COL6A3: variants seen among roughly 807,000 people sequenced by gnomAD.
COL6A3 encodes collagen type VI alpha 3 chain.
Under a neutral mutation model 274.1 loss-of-function variants are expected in COL6A3, and 137 were observed. The observed-to-expected ratio is 0.50, with a 90% CI of 0.44 to 0.58. COL6A3 has a LOEUF of 0.58. Among genes scored for constraint, COL6A3 ranks in the 20% least tolerant of loss-of-function variants. The pLI, the probability that COL6A3 is intolerant of heterozygous loss-of-function variation, is 0.00. For missense variants in COL6A3, 3,950 were observed against 4,124.9 expected, an observed-to-expected ratio of 0.96 and a Z score of 1.16; for synonymous variants, 1,650 against 1,650.6, an observed-to-expected ratio of 1.00 and a Z score of 0.01.
intron 1 of COL6A3, among the ~76,000 whole-genome samples, chr2:237,403,587 T>C (rs1300648492): frequency 6.6e-6 from 1 of 152,032 alleles, no homozygotes; most frequent in East Asian, 1.9e-4. Context: ...CAGCAATGAG[T>C]GGTGATAGCG....
intron 1 of COL6A3, among the ~76,000 whole-genome samples, chr2:237,411,852 C>T (rs531936681): frequency 3.3e-5 from 5 of 152,302 alleles, no homozygotes; most frequent in African/African-American, 9.6e-5. Flanking sequence ...GGGTGGAACA[C>T]GCTCCCTGCC....
rs145983482 is a variant in COL6A3 at position 237,394,691 on chromosome 2, T to G, written c.605A>C (p.Asn202Thr). Residue 202 changes from asparagine (N) to threonine (T), a missense_variant, in exon 3 of 44, where the codon AAT becomes ACT. Transcript: ENST00000295550. ...PLNMHMFNLE[N>T]FTSLHDIVGN... Reference sequence around the variant, plus strand: ...TACTATGTCATGAAGTGAGGTAAAATTCTCTAGGTTGAACATATGCATATT... The same window carrying G: ...TACTATGTCATGAAGTGAGGTAAAAGTCTCTAGGTTGAACATATGCATATT... 6.2e-7 allele frequency: 1 copy of G among 1,614,218 alleles called. No individual in the cohort carries two copies. Among genetic ancestry groups the G allele is most frequent in the Non-Finnish European group, 8.5e-7 (1 of 1,180,034 alleles).
intron 31 of COL6A3, among the ~76,000 whole-genome samples, chr2:237,347,151 T>C (rs915189701): frequency 6.6e-6 from 1 of 151,924 alleles, no homozygotes; most frequent in African/African-American, 2.4e-5. Context: ...GTCTCATGCA[T>C]GTAATCCCAG....
At position 237,344,608 on chromosome 2, in the gene COL6A3, C is replaced by T; in HGVS notation, c.7410G>A (p.Leu2470=). ...CCACCTGAAGGTTCTTAATCTTGTC[C>T]AGGAGGACCGACTTCCTCTTGGAGT... is the stretch of plus-strand genomic sequence containing the variant. The part of the protein sequence containing the change: ...FADSKRKSVL[L]DKIKNLQVAL... The change falls in exon 36 of 44, where the codon CTG becomes CTA. Residue 2470 remains leucine (L), a synonymous_variant. Transcript: ENST00000295550. This position sits in a 1 kb window ranked among gnomAD's most constrained non-coding sequence, Gnocchi z 4.8. 1 of 1,614,190 alleles carries T rather than the reference C, an allele frequency of 6.2e-7. No individual in the cohort carries two copies. Among genetic ancestry groups the T allele is most frequent in the Non-Finnish European group, 8.5e-7 (1 of 1,180,036 alleles).
In COL6A3 at chr2:237,387,918, G is replaced by A; in HGVS notation, c.976C>T (p.Leu326Phe). Residue 326 changes from leucine to phenylalanine, a missense_variant, in exon 4 of 44, where the codon CTT becomes TTT. Coordinates refer to ENST00000295550, the MANE Select transcript of COL6A3 (RefSeq NM_004369.4). ...AAGTGGTTCTCCACCACGAAATCAA[G>A]GGCGAGGCCGATATTGGCCAACTCC... is the stretch of plus-strand genomic sequence containing the variant. Reference protein sequence around the residue: ...GGELANIGLALDFVVENHFTR... With the variant: ...GGELANIGLAFDFVVENHFTR... 6.2e-7 allele frequency: 1 copy of A among 1,614,110 alleles called. No homozygotes were observed. The highest frequency in any genetic ancestry group is 2.2e-5 in the East Asian group (1 of 44,872).
At position 237,334,765 on chromosome 2, in the gene COL6A3, C is replaced by G. The variant is rs148770439; in HGVS notation, c.9090G>C (p.Gln3030His). The change falls in exon 41 of 44, where the codon CAG becomes CAC. Residue 3030 changes from glutamine (Q) to histidine (H), a missense_variant. Transcript: ENST00000295550. ...TGAGGTTCTGCTTCAGAACCAGGGACTGATCATGGGCTGAGGTGACGGTGA... is the reference window on the plus strand; with the variant it reads ...TGAGGTTCTGCTTCAGAACCAGGGAGTGATCATGGGCTGAGGTGACGGTGA... ...YDLTVTSAHDQSLVLKQNLTV... is the reference protein window; with the variant it reads ...YDLTVTSAHDHSLVLKQNLTV... The G allele has an allele frequency of 1.2e-6, 2 of 1,614,024 alleles. No individual in the cohort carries two copies. The highest frequency in any genetic ancestry group is 2.7e-5 in the African/African-American group (2 of 74,896).
intron 1 of COL6A3, among the ~76,000 whole-genome samples, chr2:237,406,580 GC>G (rs1229792160): frequency 6.6e-6 from 1 of 151,618 alleles, no homozygotes; most frequent in Non-Finnish European, 1.5e-5. Context: ...CCTTGCCTTT[GC>G]CACGCCCATT....
intron 1 of COL6A3, among the ~76,000 whole-genome samples, chr2:237,399,812 T>C (rs1192807457): frequency 6.6e-6 from 1 of 152,184 alleles, no homozygotes; most frequent in African/African-American, 2.4e-5. Flanking sequence ...GGTTTGCAAA[T>C]ATCTGCTCTC....
chr2:237,405,368 T>C (rs1440302475), intron 1 of COL6A3, among the ~76,000 whole-genome samples: 1 of 152,128 alleles, frequency 6.6e-6, no homozygotes, highest in African/African-American at 2.4e-5. Flanking sequence ...AAAAACGAAA[T>C]TCCCTGGCAG....
In COL6A3 at chr2:237,388,167, T is replaced by A. The variant is rs2078201438; in HGVS notation, c.727A>T (p.Ile243Phe). The A allele has an allele frequency of 6.2e-7, 1 of 1,614,066 alleles. No individual in the cohort carries two copies. The highest frequency in any genetic ancestry group is 2.2e-5 in the East Asian group (1 of 44,888). ...TTTGATCCATCAATAAGGAAAATAATGTCAGCAGAGTCTTGTGCTTTAAAA... is the reference window on the plus strand; with the variant it reads ...TTTGATCCATCAATAAGGAAAATAAAGTCAGCAGAGTCTTGTGCTTTAAAA... The part of the protein sequence containing the change: ...KDITAQDSAD[I>F]IFLIDGSNNT... Residue 243 changes from isoleucine to phenylalanine, a missense_variant, in exon 4 of 44, where the codon ATT becomes TTT. By Grantham distance (21) the Ile-to-Phe change is conservative (BLOSUM62 0). This residue lies in a region of COL6A3 where 1,934 missense variants were observed against 1,984.3 expected (regional missense o/e 0.97). Transcript: ENST00000295550.
intron 1 of COL6A3, among the ~76,000 whole-genome samples, chr2:237,397,283 G>A (rs1173145269): frequency 7.0e-6 from 1 of 142,528 alleles, no homozygotes; most frequent in Non-Finnish European, 1.5e-5. Flanking sequence ...AGGGAAGGAA[G>A]GAAGAAGTGA....
chr2:237,385,598 G>A (rs1313231927), intron 4 of COL6A3, among the ~76,000 whole-genome samples: 4 of 152,134 alleles, frequency 2.6e-5, no homozygotes, highest in East Asian at 1.9e-4. Flanking sequence ...ATGTTGCATC[G>A]TCGGTGTCTG....
intron 32 of COL6A3, 34 bp from the exon 33 acceptor site, chr2:237,345,247 A>G (rs1214807772): frequency 2.5e-6 from 4 of 1,610,610 alleles, no homozygotes; most frequent in East Asian, 4.5e-5. Context: ...TGAGAGGCAC[A>G]GCAGATGGGG....
rs777266074 is a variant in COL6A3 at position 237,366,943 on chromosome 2, A to T, written c.5244T>A (p.Phe1748Leu). The change falls in exon 11 of 44, where the codon TTT becomes TTA. Residue 1748 changes from phenylalanine (F) to leucine (L), a missense_variant. This residue lies in a region of COL6A3 where 632 missense variants were observed against 623.4 expected (regional missense o/e 1.01). Coordinates refer to ENST00000295550, the MANE Select transcript of COL6A3 (RefSeq NM_004369.4). ...RLDQRVPQIA[F>L]VITGGKSVED... ...CCACCGACTTTCCTCCCGTGATCAC[A>T]AAGGCAATCTGAGGGACCCGCTGGT... 4.3e-6 allele frequency: 7 copies of T among 1,614,112 alleles called. No homozygotes were observed. In the Admixed American group the frequency reaches 1.0e-4, roughly 23 times the overall value.
At chr2:237,373,805 A>G (rs936038755) in intron 8 of COL6A3, among the ~76,000 whole-genome samples, 1 of 152,020 alleles carries the variant, frequency 6.6e-6, no homozygotes, top group Non-Finnish European at 1.5e-5. Context: ...GGCTCCCACC[A>G]TTTTTTAGTT....
chr2:237,357,543 C>T (rs1244639693), intron 22 of COL6A3, 152 bp from the exon 23 acceptor site: 1 of 828,264 alleles, frequency 1.2e-6, no homozygotes, highest in Non-Finnish European at 2.1e-6. Context: ...ATGCACCGGA[C>T]TTCAGTACAC....
In COL6A3 at chr2:237,324,769, C is replaced by T; in HGVS notation, c.*5G>A. The T allele has an allele frequency of 6.2e-7, 1 of 1,613,792 alleles. No homozygotes were observed. Among genetic ancestry groups the T allele is most frequent in the Non-Finnish European group, 8.5e-7 (1 of 1,179,974 alleles). Reference sequence around the variant, plus strand: ...CAAGAGGTATATGATGTTGGCCACCCACGCTTAGGTTCCCATCACACTGAT... The same window carrying T: ...CAAGAGGTATATGATGTTGGCCACCTACGCTTAGGTTCCCATCACACTGAT... On this transcript the variant is annotated 3_prime_UTR_variant, in exon 44 of 44. Coordinates refer to ENST00000295550, the MANE Select transcript of COL6A3 (RefSeq NM_004369.4).
intron 10 of COL6A3, 33 bp from the exon 11 acceptor site, chr2:237,367,319 T>C: frequency 6.3e-7 from 1 of 1,598,356 alleles, no homozygotes; most frequent in Non-Finnish European, 8.5e-7. Flanking sequence ...TAAGGAGAGA[T>C]TAGGTTTCCA....
At chr2:237,380,457 A>C (rs1243619078) in intron 5 of COL6A3, among the ~76,000 whole-genome samples, 1 of 152,188 alleles carries the variant, frequency 6.6e-6, no homozygotes, top group Non-Finnish European at 1.5e-5. Context: ...AACGAGAGAG[A>C]AGAGAGGGAT....
Sources: allele counts gnomAD v4.1 joint callset (sites outside exome capture counted in the v4.1 genomes callset), GRCh38; gene constraint gnomAD v4.1.1; regional missense constraint gnomAD v4.1.1; non-coding constraint Gnocchi (gnomAD v3.1); transcripts MANE v1.5; gene names NCBI Gene and HGNC (gene_info 2026-07-23, HGNC 2026-07-21).